Variants in MPDZ observed in about 807,000 individuals in gnomAD.
The protein encoded by MPDZ is multiple PDZ domain protein.
MPDZ carries 234 observed loss-of-function variants against 239.1 expected under a neutral mutation model. The ratio of observed to expected loss-of-function variants is 0.98; its 90% CI spans 0.88 to 1.09. The LOEUF (loss-of-function observed/expected upper bound fraction) is 1.09, where lower values mean the gene tolerates loss of function less well. Among genes scored for constraint, MPDZ ranks in the 50% least tolerant of loss-of-function variants. The pLI, the probability that MPDZ is intolerant of heterozygous loss-of-function variation, is 0.00. For synonymous variants in MPDZ, 1,048 were observed against 881.3 expected (o/e 1.19, Z -3.35); for missense variants, 3,175 against 2,510.0 (o/e 1.26, Z -5.66).
At position 13,121,802 on chromosome 9, in the gene MPDZ, G is replaced by C; in HGVS notation, c.5168C>G (p.Thr1723Ser). 1 of 1,613,902 alleles carries C rather than the reference G, an allele frequency of 6.2e-7. No individual in the cohort carries two copies. The highest frequency in any genetic ancestry group is 8.5e-7 in the Non-Finnish European group (1 of 1,179,864). The change falls in exon 38 of 47, where the codon ACC becomes AGC. Residue 1723 changes from threonine (T) to serine (S), a missense_variant. By Grantham distance (58) the Thr-to-Ser change is moderately conservative (BLOSUM62 1). Coordinates refer to ENST00000319217, the MANE Select transcript of MPDZ (RefSeq NM_001378778.1). ...CTTCTTCTGCAGCTCAATAGTGAGG[G>C]TGTCACACACTTCCTCCTCTTTGTA... is the stretch of plus-strand genomic sequence containing the variant. ...APYKEEEVCD[T>S]LTIELQKKPG... is the part of the protein sequence containing the mutation.
At chr9:13,110,981 C>T (rs918775432) in intron 43 of MPDZ, among the ~76,000 whole-genome samples, 4 of 152,202 alleles carry the variant, frequency 2.6e-5, no homozygotes, top group African/African-American at 9.6e-5. Context: ...AGGAGAAAGT[C>T]ACTCTTCCCT....
chr9:13,121,236 C>G (rs970110361), intron 38 of MPDZ, among the ~76,000 whole-genome samples: 1 of 152,146 alleles, frequency 6.6e-6, no homozygotes, highest in Non-Finnish European at 1.5e-5. Context: ...AACCAATACT[C>G]ACTTATCACT....
At chr9:13,168,345 T>C (rs1203533698) in intron 22 of MPDZ, 21 bp downstream of exon 22, 2 of 1,601,426 alleles carry the variant, frequency 1.2e-6, no homozygotes, top group East Asian at 2.2e-5. Context: ...CAAGTTAAAC[T>C]GGGCTTCAAA....
intron 3 of MPDZ, among the ~76,000 whole-genome samples, chr9:13,243,148 T>G (rs1965808567): frequency 1.3e-5 from 2 of 152,210 alleles, no homozygotes; most frequent in South Asian, 4.1e-4. Context: ...CTATTCACCT[T>G]CTTTGTTTTC....
intron 2 of MPDZ, among the ~76,000 whole-genome samples, chr9:13,249,103 T>TTC (rs1180061735): frequency 1.0e-5 from 1 of 97,318 alleles, no homozygotes; most frequent in Non-Finnish European, 2.5e-5. Context: ...TGATCATGGG[T>TTC]TCACACACAC....
chr9:13,182,259 T>C (rs1380085256), intron 19 of MPDZ, among the ~76,000 whole-genome samples: 4 of 152,142 alleles, frequency 2.6e-5, no homozygotes, highest in Middle Eastern at 3.2e-3. Flanking sequence ...TTTAAATGTA[T>C]GTTTATGGTA....
chr9:13,215,945 GTT>G (rs71331531), intron 10 of MPDZ, among the ~76,000 whole-genome samples: 9,168 of 82,458 alleles, frequency 0.11, 579 homozygotes, highest in African/African-American at 0.24. Context: ...TCAGCAATTT[GTT>G]TTTTTTTTTT....
At chr9:13,109,909 C>CAT (rs776013568) in intron 45 of MPDZ, 43 bp downstream of exon 45, 63 of 1,492,918 alleles carry the variant, frequency 4.2e-5, no homozygotes, top group East Asian at 2.8e-4. Context: ...AGACTTGATT[C>CAT]ATAAGTGAAA....
At chr9:13,188,501 G>A (rs1453343004) in intron 17 of MPDZ, among the ~76,000 whole-genome samples, 1 of 152,032 alleles carries the variant, frequency 6.6e-6, no homozygotes. Flanking sequence ...CTGAGCAACA[G>A]AGCAAGGCTC....
Position 13,222,412 on chromosome 9 carries a change from C to G in MPDZ, c.568G>C (p.Ala190Pro). Residue 190 changes from alanine to proline, a missense_variant, in exon 6 of 47, where the codon GCT becomes CCT. Physicochemically the swap from Ala to Pro is conservative, Grantham distance 27. Coordinates refer to ENST00000319217, the MANE Select transcript of MPDZ (RefSeq NM_001378778.1). ...GRLKETDQIL[A>P]INGQALDQTI... The stretch of plus-strand genomic sequence containing the variant: ...TGATCAAGAGCCTGTCCATTGATAG[C>G]AAGAATTTGATCAGTTTCTTTCAAT... 2 of 1,612,460 alleles carry G rather than the reference C, an allele frequency of 1.2e-6. No individual in the cohort carries two copies. The highest frequency in any genetic ancestry group is 1.7e-6 in the Non-Finnish European group (2 of 1,179,144).
intron 1 of MPDZ, among the ~76,000 whole-genome samples, chr9:13,252,867 G>C (rs927735785): frequency 6.6e-6 from 1 of 152,116 alleles, no homozygotes; most frequent in Non-Finnish European, 1.5e-5. Flanking sequence ...ATGGACTAGA[G>C]AGTCTGATAA....
At chr9:13,182,778 T>C (rs1217606370) in intron 19 of MPDZ, among the ~76,000 whole-genome samples, 1 of 152,172 alleles carries the variant, frequency 6.6e-6, no homozygotes, top group Non-Finnish European at 1.5e-5. Flanking sequence ...TTGAACATTA[T>C]AGAGTATGTC....
rs556828363 is a variant in MPDZ at position 13,277,193 on chromosome 9, A to C, written c.-58+2207T>G. Among the ~76,000 whole-genome samples the C allele has an allele frequency of 2.0e-5, 3 of 152,266 alleles. No homozygotes were observed. In the South Asian group the frequency reaches 6.2e-4, roughly 32 times the overall value. ...GAAGCACACTAAAAATTGACTAAAG[A>C]TCCCTCCCTTTCCAAGCCACAACCT... On this transcript the variant is annotated intron_variant, in intron 1 of 46. Coordinates refer to ENST00000319217, the MANE Select transcript of MPDZ (RefSeq NM_001378778.1).
intron 19 of MPDZ, among the ~76,000 whole-genome samples, chr9:13,183,155 T>C (rs990218136): frequency 6.6e-6 from 1 of 152,112 alleles, no homozygotes; most frequent in Non-Finnish European, 1.5e-5. Context: ...AATTTTTCTT[T>C]CTGACATGCA....
chr9:13,223,761 G>GT (rs1177291193), intron 4 of MPDZ, 51 bp from the exon 5 acceptor site: 2 of 1,524,702 alleles, frequency 1.3e-6, no homozygotes, highest in Non-Finnish European at 1.8e-6. Flanking sequence ...GCCATGCATG[G>GT]TGGTTCACGC....
intron 21 of MPDZ, among the ~76,000 whole-genome samples, 156 bp from the exon 22 acceptor site, chr9:13,168,720 C>CA (rs998071053): frequency 2.0e-5 from 3 of 152,032 alleles, no homozygotes; most frequent in South Asian, 4.2e-4. Context: ...GTGTTTCTAA[C>CA]AAAAAATATT....
At chr9:13,259,929 G>A (rs913062019) in intron 1 of MPDZ, among the ~76,000 whole-genome samples, 2 of 152,062 alleles carry the variant, frequency 1.3e-5, no homozygotes, top group Non-Finnish European at 2.9e-5. Context: ...CGCCTCCCAG[G>A]TTCAAGCTAT....
chr9:13,143,598 G>A (rs1273058615), intron 26 of MPDZ, 34 bp from the exon 27 acceptor site: 1 of 1,548,716 alleles, frequency 6.5e-7, no homozygotes. Context: ...TGAACGCAAA[G>A]GAAATGTATT....
At chr9:13,272,827 T>A (rs138830077) in intron 1 of MPDZ, among the ~76,000 whole-genome samples, 7 of 150,598 alleles carry the variant, frequency 4.6e-5, no homozygotes, top group Admixed American at 6.6e-5. Context: ...GAGGAGGAAA[T>A]ACATAAGCTT....
Sources: gnomAD v4.1 joint callset for allele counts (sites outside exome capture counted in the v4.1 genomes callset) on GRCh38, gnomAD v4.1.1 for gene constraint, MANE v1.5 for transcripts, NCBI Gene and HGNC (gene_info 2026-07-23, HGNC 2026-07-21) for gene names.